The following NRG3 variants were observed in gnomAD, a reference collection of about 807,000 sequenced individuals.
The protein encoded by NRG3 is pro-neuregulin-3, membrane-bound isoform.
Under a neutral mutation model 66.9 loss-of-function variants are expected in NRG3, and 31 were observed. That is an observed-to-expected ratio of 0.46 (90% confidence interval 0.35 to 0.63). The LOEUF is 0.63. Ranked by LOEUF, NRG3 falls within the 20% of genes least tolerant of loss-of-function variation. NRG3 has a pLI of 0.00. For missense variants in NRG3, 910 were observed against 878.9 expected (o/e 1.04, Z -0.45); for synonymous variants, 393 against 359.4 (o/e 1.09, Z -1.06).
At chr10:82,261,028 TTC>T (rs2077998949) in intron 1 of NRG3, among the ~76,000 whole-genome samples, 1 of 152,086 alleles carries the variant, frequency 6.6e-6, no homozygotes, top group Non-Finnish European at 1.5e-5. Context: ...GATGAGTGAG[TTC>T]TCTCTCTTGC....
chr10:82,968,703 C>G (rs1851444686), intron 6 of NRG3, among the ~76,000 whole-genome samples: 1 of 132,958 alleles, frequency 7.5e-6, no homozygotes, highest in South Asian at 2.3e-4. Context: ...GAATTACTGA[C>G]TTTTAGTGAT....
rs138272222 is a variant in NRG3, at chr10:82,391,783, C to T, written c.953+32915C>T. 1.1e-3 allele frequency among the ~76,000 whole-genome samples: 174 copies of T among 152,126 alleles called. 1 individual carries two copies. The highest frequency in any genetic ancestry group is 3.8e-3 in the African/African-American group (159 of 41,502). On this transcript the variant is annotated intron_variant, in intron 2 of 8. Transcript: ENST00000372141. ...TGTTTTTTAGTCACTCTCCTTCAGT[C>T]TCTATACTACAGCAGTTGAAATAGA...
chr10:82,624,122 T>G (rs559065079), intron 2 of NRG3, among the ~76,000 whole-genome samples: 1 of 152,312 alleles, frequency 6.6e-6, no homozygotes, highest in East Asian at 1.9e-4. Flanking sequence ...TCTAGATAAG[T>G]GGCACACGTT....
intron 3 of NRG3, among the ~76,000 whole-genome samples, chr10:82,741,983 ATTGT>A (rs1448939672): frequency 6.6e-6 from 1 of 152,152 alleles, no homozygotes; most frequent in Non-Finnish European, 1.5e-5. Context: ...TTGCTGAAGG[ATTGT>A]TTAATTTGCT....
chr10:82,516,727 G>A (rs1379055918), intron 2 of NRG3, among the ~76,000 whole-genome samples: 5 of 152,088 alleles, frequency 3.3e-5, no homozygotes, highest in African/African-American at 1.2e-4. Context: ...GCTTAGAAAT[G>A]ACAAAGCTTC....
At chr10:82,924,612 T>C (rs1400582002) in intron 4 of NRG3, among the ~76,000 whole-genome samples, 2 of 151,830 alleles carry the variant, frequency 1.3e-5, no homozygotes, top group East Asian at 3.9e-4. Context: ...GATTGTAGGT[T>C]GACACAGCAT....
At chr10:82,853,888 G>T (rs1446689114) in intron 3 of NRG3, among the ~76,000 whole-genome samples, 1 of 152,116 alleles carries the variant, frequency 6.6e-6, no homozygotes, top group Non-Finnish European at 1.5e-5. Flanking sequence ...CTCTCAGGGG[G>T]AATGCTTTCA....
Position 82,748,237 on chromosome 10 carries a change from T to C in NRG3, c.1027+9587T>C, listed in dbSNP as rs1026232260. Among the ~76,000 whole-genome samples, 19 of 151,730 alleles carry C rather than the reference T, an allele frequency of 1.3e-4. No homozygotes were observed. In the East Asian group the frequency reaches 3.7e-3, roughly 29 times the overall value. ...ATTCAACCATATATTGATTTGAACT[T>C]GATTACATATGCATTTTAGAATAAT... On this transcript the variant is annotated intron_variant, in intron 3 of 8. Transcript: ENST00000372141.
intron 2 of NRG3, among the ~76,000 whole-genome samples, chr10:82,541,543 G>C (rs932479488): frequency 6.6e-6 from 1 of 152,110 alleles, no homozygotes; most frequent in African/African-American, 2.4e-5. Flanking sequence ...CTGGTAATCA[G>C]AACAGAACAG....
At chr10:82,397,213 T>C (rs1188755175) in intron 2 of NRG3, among the ~76,000 whole-genome samples, 2 of 152,196 alleles carry the variant, frequency 1.3e-5, no homozygotes, top group Non-Finnish European at 2.9e-5. Context: ...ATGTCTAGAC[T>C]CCTAAGACTA....
chr10:82,960,881 C>A lies in NRG3; in HGVS notation c.1284+1806C>A, dbSNP rs183027800. Reference sequence around the variant, plus strand: ...TACCTACCCAAACTTTATAAAACGGCCCCACCCCTATCTCCCTTCACTAAC... The same window carrying A: ...TACCTACCCAAACTTTATAAAACGGACCCACCCCTATCTCCCTTCACTAAC... On this transcript the variant is annotated intron_variant, in intron 6 of 8. Transcript: ENST00000372141. Among the ~76,000 whole-genome samples the A allele has an allele frequency of 1.0e-3, 158 of 152,170 alleles. 1 individual carries two copies. The highest frequency in any genetic ancestry group is 3.5e-3 in the African/African-American group (146 of 41,510).
chr10:82,185,767 A>T (rs1214250386), intron 1 of NRG3, among the ~76,000 whole-genome samples: 1 of 152,138 alleles, frequency 6.6e-6, no homozygotes, highest in Non-Finnish European at 1.5e-5. Flanking sequence ...TTTCCACATT[A>T]CTTCAGAAAT....
At chr10:82,520,154 C>G (rs960156128) in intron 2 of NRG3, among the ~76,000 whole-genome samples, 2 of 148,272 alleles carry the variant, frequency 1.3e-5, no homozygotes, top group Non-Finnish European at 3.0e-5. Context: ...TACAAATTTC[C>G]CAGAAGCTGT....
chr10:82,827,164 T>C (rs752698909), intron 3 of NRG3: 1 of 326,996 alleles, frequency 3.1e-6, no homozygotes, highest in South Asian at 2.3e-5. Flanking sequence ...CAAGTTCTCA[T>C]CTTCATAGCC....
chr10:82,322,002 A>G (rs2081604427), intron 1 of NRG3, among the ~76,000 whole-genome samples: 1 of 152,206 alleles, frequency 6.6e-6, no homozygotes, highest in Admixed American at 6.5e-5. Context: ...CCATAGTGGT[A>G]AGAAAATTTC....
At chr10:82,299,258 G>A (rs936098794) in intron 1 of NRG3, among the ~76,000 whole-genome samples, 1 of 152,192 alleles carries the variant, frequency 6.6e-6, no homozygotes, top group African/African-American at 2.4e-5. Flanking sequence ...AGGGATTGGA[G>A]TGCTGTTCTA....
At chr10:81,956,514 T>C (rs148103726) in intron 1 of NRG3, among the ~76,000 whole-genome samples, 14 of 152,294 alleles carry the variant, frequency 9.2e-5, no homozygotes, top group African/African-American at 3.4e-4. Flanking sequence ...TGCAAGATAA[T>C]GCATTAGCCA....
At chr10:82,843,942 A>G (rs1591698045) in intron 3 of NRG3, among the ~76,000 whole-genome samples, 1 of 152,174 alleles carries the variant, frequency 6.6e-6, no homozygotes, top group Admixed American at 6.5e-5. Context: ...ATGGCAAAAC[A>G]TATTAGATTT....
At chr10:82,089,960 A>G (rs1202957274) in intron 1 of NRG3, among the ~76,000 whole-genome samples, 1 of 152,114 alleles carries the variant, frequency 6.6e-6, no homozygotes, top group African/African-American at 2.4e-5. Context: ...TCCCTGCCCC[A>G]GCTCTTTGCC....
Sources: gnomAD v4.1 joint callset for allele counts (sites outside exome capture counted in the v4.1 genomes callset) on GRCh38, gnomAD v4.1.1 for gene constraint, MANE v1.5 for transcripts, NCBI Gene and HGNC (gene_info 2026-07-23, HGNC 2026-07-21) for gene names.